The following PLCB4 variants were observed in gnomAD, a reference collection of about 807,000 sequenced individuals.
PLCB4 encodes 1-phosphatidylinositol 4,5-bisphosphate phosphodiesterase beta-4.
PLCB4 carries 77 observed loss-of-function variants against 178.8 expected under a neutral mutation model. The observed-to-expected ratio is 0.43, with a 90% confidence interval of 0.36 to 0.52. The LOEUF (loss-of-function observed/expected upper bound fraction) is 0.52, where lower values mean the gene tolerates loss of function less well. Among genes scored for constraint, PLCB4 ranks in the 20% least tolerant of loss-of-function variants. The probability of loss-of-function intolerance (pLI) is 0.00; values close to 1 mark genes in which losing one functional copy is unlikely to be tolerated. For missense variants in PLCB4, 1,024 were observed against 1,453.4 expected, an observed-to-expected ratio of 0.70 and a Z score of 4.80; for synonymous variants, 496 against 490.8, an observed-to-expected ratio of 1.01 and a Z score of -0.14.
chr20:9,245,001 G>A (rs1336832554), intron 3 of PLCB4, among the ~76,000 whole-genome samples: 1 of 152,088 alleles, frequency 6.6e-6, no homozygotes, highest in Non-Finnish European at 1.5e-5. Context: ...GGCTGTCTGG[G>A]CAAGAGCAGC....
chr20:9,422,544 C>T (rs1358010351), intron 27 of PLCB4, among the ~76,000 whole-genome samples: 2 of 152,146 alleles, frequency 1.3e-5, no homozygotes, highest in Non-Finnish European at 2.9e-5. Flanking sequence ...TCCCTACTCA[C>T]ATTTCTAGAA....
intron 9 of PLCB4, among the ~76,000 whole-genome samples, chr20:9,370,537 T>C (rs2036159626): frequency 6.6e-6 from 1 of 152,196 alleles, no homozygotes; most frequent in Non-Finnish European, 1.5e-5. Context: ...CTAGAGCTAC[T>C]GTCTTATCTG....
chr20:9,257,711 T>G (rs1271549295), intron 3 of PLCB4, among the ~76,000 whole-genome samples: 1 of 152,118 alleles, frequency 6.6e-6, no homozygotes, highest in East Asian at 1.9e-4. Flanking sequence ...CTTCGAGATC[T>G]TTCACTAACA....
rs750255555 is a variant in PLCB4 at position 9,407,904 on chromosome 20, C to A, written c.1648-13C>A. 6.2e-7 allele frequency: 1 copy of A among 1,604,568 alleles called. No individual in the cohort carries two copies. Among genetic ancestry groups the A allele is most frequent in the South Asian group, 1.1e-5 (1 of 89,178 alleles). Reference sequence around the variant, plus strand: ...AGTCATCAACTTATATGTTTTCTTCCTTGTGCTTGTAGGGCCTGGTCACTG... The same window carrying A: ...AGTCATCAACTTATATGTTTTCTTCATTGTGCTTGTAGGGCCTGGTCACTG... On this transcript the variant is annotated splice_polypyrimidine_tract_variant and intron_variant, in intron 21 of 39. Transcript: ENST00000378473.
chr20:9,101,693 G>T (rs1353222914), intron 2 of PLCB4, among the ~76,000 whole-genome samples: 1 of 151,972 alleles, frequency 6.6e-6, no homozygotes, highest in African/African-American at 2.4e-5. Context: ...TCATCTTCTT[G>T]CACTGAGTAG....
At chr20:9,181,726 C>A (rs567560001) in intron 2 of PLCB4, among the ~76,000 whole-genome samples, 1 of 152,226 alleles carries the variant, frequency 6.6e-6, no homozygotes, top group African/African-American at 2.4e-5. Context: ...CTCCCAAAGA[C>A]CCCACTTCCA....
rs1332776201 is a variant in PLCB4, at chr20:9,390,606, A to G, written c.1314A>G (p.Glu438=). The change falls in exon 17 of 40, where the codon GAA becomes GAG. Residue 438 remains glutamate (E), a synonymous_variant. Transcript: ENST00000378473. ...ATCTCCTGTTGAAACAAGCACTTGAATCACATCCAGTATGTATTTTTAACA... is the reference window on the plus strand; with the variant it reads ...ATCTCCTGTTGAAACAAGCACTTGAGTCACATCCAGTATGTATTTTTAACA... ...FGDLLLKQAL[E]SHPLEPGRAL... 3 of 1,493,796 alleles carry G rather than the reference A, an allele frequency of 2.0e-6. No homozygotes were observed. In the African/African-American group the frequency reaches 4.1e-5, roughly 21 times the overall value. 92.5% of individuals were successfully genotyped at this position (1,493,796 alleles called of 1,614,324 possible). A position where few individuals can be genotyped will look rare whatever the true frequency, so the allele number is the denominator to read the frequency against.
Position 9,364,888 on chromosome 20 carries a change from T to C in PLCB4, c.450-573T>C, listed in dbSNP as rs565147239. ...TCACCATCAATTTGAGTTGATGAAC[T>C]AGTCTTACCACTGGAAATTAAGGAG... On this transcript the variant is annotated intron_variant, in intron 8 of 39. Coordinates refer to ENST00000378473, the MANE Select transcript of PLCB4 (RefSeq NM_001377142.1). Among the ~76,000 whole-genome samples the C allele has an allele frequency of 4.6e-5, 7 of 152,312 alleles. No individual in the cohort carries two copies. The South Asian group carries it at 1.5e-3, about 32-fold the overall frequency.
intron 3 of PLCB4, among the ~76,000 whole-genome samples, chr20:9,268,984 G>A (rs1242064420): frequency 2.0e-5 from 3 of 152,166 alleles, no homozygotes; most frequent in Admixed American, 6.6e-5. Context: ...TAGCCATTGA[G>A]CAAGGTGGGT....
intron 14 of PLCB4, 45 bp from the exon 15 acceptor site, chr20:9,387,418 A>G (rs747151588): frequency 3.2e-6 from 3 of 945,636 alleles, no homozygotes; most frequent in Middle Eastern, 2.7e-4. Flanking sequence ...TATGAACACT[A>G]TTTCATTGTA....
intron 13 of PLCB4, among the ~76,000 whole-genome samples, chr20:9,383,593 T>C (rs981531230): frequency 6.6e-6 from 1 of 152,222 alleles, no homozygotes; most frequent in Non-Finnish European, 1.5e-5. Flanking sequence ...GGGCCACGTT[T>C]CAATGACCAC....
At chr20:9,115,514 T>G (rs1023315099) in intron 2 of PLCB4, among the ~76,000 whole-genome samples, 4 of 151,356 alleles carry the variant, frequency 2.6e-5, no homozygotes, top group Non-Finnish European at 4.4e-5. Context: ...TGCCATGTTG[T>G]TGTGCTGCAC....
chr20:9,326,740 G>C (rs78533728), intron 4 of PLCB4, among the ~76,000 whole-genome samples: 1 of 152,222 alleles, frequency 6.6e-6, no homozygotes, highest in African/African-American at 2.4e-5. Context: ...GGCCAGCTTA[G>C]GCAGAGTGGG....
intron 2 of PLCB4, among the ~76,000 whole-genome samples, chr20:9,103,094 G>A (rs549996053): frequency 2.0e-5 from 3 of 148,866 alleles, no homozygotes; most frequent in East Asian, 2.0e-4. Flanking sequence ...GCGGGATCTC[G>A]GCTCACTGCA....
rs543549741 is a variant in PLCB4 at position 9,134,872 on chromosome 20, G to A, written c.-79+38530G>A. On this transcript the variant is annotated intron_variant, in intron 2 of 39. Transcript: ENST00000378473. The stretch of plus-strand genomic sequence containing the variant: ...ATTTTAAATAGGAAAGCTAGAAATC[G>A]TAGTTTTATTCATTCCATGACACTG... Among the ~76,000 whole-genome samples, 10 of 152,160 alleles carry A rather than the reference G, an allele frequency of 6.6e-5. No homozygotes were observed. The East Asian group carries it at 7.7e-4, about 12-fold the overall frequency.
chr20:9,103,456 A>G (rs1003501065), intron 2 of PLCB4, among the ~76,000 whole-genome samples: 2 of 152,172 alleles, frequency 1.3e-5, no homozygotes, highest in Admixed American at 1.3e-4. Flanking sequence ...TATTTTTGCA[A>G]ATCTCTTAAA....
chr20:9,391,183 A>G (rs1457361787), intron 17 of PLCB4, among the ~76,000 whole-genome samples: 2 of 152,174 alleles, frequency 1.3e-5, no homozygotes, highest in Admixed American at 6.5e-5. Flanking sequence ...TTCATGTTAA[A>G]CCTGCTAATT....
In PLCB4 at chr20:9,329,765, G is replaced by A. The variant is rs117438206; in HGVS notation, c.85-7361G>A. 4.3e-3 allele frequency among the ~76,000 whole-genome samples: 661 copies of A among 152,238 alleles called. 4 individuals are homozygous for A. Among genetic ancestry groups the A allele is most frequent in the Middle Eastern group, 6.8e-3 (2 of 294 alleles). Reference sequence around the variant, plus strand: ...GGTCTGTGATGGAGCAGCTACAGCCGTGCCCTCTGGCTCCTCATGTGGAAT... The same window carrying A: ...GGTCTGTGATGGAGCAGCTACAGCCATGCCCTCTGGCTCCTCATGTGGAAT... On this transcript the variant is annotated intron_variant, in intron 4 of 39. Transcript: ENST00000378473.
At chr20:9,244,738 C>T (rs2094106459) in intron 3 of PLCB4, among the ~76,000 whole-genome samples, 2 of 152,042 alleles carry the variant, frequency 1.3e-5, no homozygotes, top group Admixed American at 1.3e-4. Context: ...AAATGAAGTT[C>T]CCTTTTGAAT....
Sources: gnomAD v4.1 joint callset for allele counts (sites outside exome capture counted in the v4.1 genomes callset) on GRCh38, gnomAD v4.1.1 for gene constraint, MANE v1.5 for transcripts, NCBI Gene and HGNC (gene_info 2026-07-23, HGNC 2026-07-21) for gene names.